HADHA: variants seen among roughly 807,000 people sequenced by gnomAD.
The protein encoded by HADHA is hydroxyacyl-CoA dehydrogenase trifunctional multienzyme complex subunit alpha.
HADHA carries 59 observed loss-of-function variants against 91.3 expected under a neutral mutation model. The observed-to-expected ratio is 0.65, with a 90% CI of 0.52 to 0.80. The LOEUF (loss-of-function observed/expected upper bound fraction) is 0.80, where lower values mean the gene tolerates loss of function less well. HADHA is among the 30% of genes least tolerant of loss of function. HADHA has a pLI of 0.00. For missense variants in HADHA, 800 were observed against 927.6 expected, an observed-to-expected ratio of 0.86 and a Z score of 1.79; for synonymous variants, 320 against 338.9, an observed-to-expected ratio of 0.94 and a Z score of 0.61.
chr2:26,242,883 C>T (rs971878158), intron 1 of HADHA, among the ~76,000 whole-genome samples: 1 of 152,166 alleles, frequency 6.6e-6, no homozygotes, highest in Non-Finnish European at 1.5e-5. Flanking sequence ...TCCCGAGTAG[C>T]TGGGACTACA....
In HADHA at chr2:26,210,968, A is replaced by G. The variant is rs1412301039; in HGVS notation, c.976-1079T>C. Among the ~76,000 whole-genome samples the G allele has an allele frequency of 2.0e-5, 3 of 152,262 alleles. No individual in the cohort carries two copies. Among genetic ancestry groups the G allele is most frequent in the Non-Finnish European group, 4.4e-5 (3 of 68,052 alleles). On this transcript the variant is annotated intron_variant, in intron 10 of 19. Coordinates refer to ENST00000380649, the MANE Select transcript of HADHA (RefSeq NM_000182.5). The surrounding 1 kb of genome is among the most constrained non-coding windows in gnomAD (Gnocchi z 4.0). Reference sequence around the variant, plus strand: ...GCATGGTTACAAAGAGCATTTCAAAAGAATCCCTCTAATAAAGTTGCTTTC... The same window carrying G: ...GCATGGTTACAAAGAGCATTTCAAAGGAATCCCTCTAATAAAGTTGCTTTC...
intron 1 of HADHA, among the ~76,000 whole-genome samples, chr2:26,242,087 G>T (rs1670910035): frequency 6.6e-6 from 1 of 152,140 alleles, no homozygotes; most frequent in Non-Finnish European, 1.5e-5. Context: ...TTTTTTGGTA[G>T]AGATGGGGTT....
intron 10 of HADHA, among the ~76,000 whole-genome samples, chr2:26,211,618 C>A (rs1169785347): frequency 6.6e-6 from 1 of 152,174 alleles, no homozygotes. Context: ...AAATATTCCA[C>A]TATCTGACAA....
At chr2:26,206,148 A>C (rs1382572356) in intron 11 of HADHA, among the ~76,000 whole-genome samples, 1 of 151,902 alleles carries the variant, frequency 6.6e-6, no homozygotes, top group Non-Finnish European at 1.5e-5. Context: ...TATGAAAATA[A>C]TAATAATAAT....
In HADHA at chr2:26,224,031, G is replaced by A. The variant is rs561750510; in HGVS notation, c.676+6161C>T. 2.6e-5 allele frequency among the ~76,000 whole-genome samples: 4 copies of A among 152,344 alleles called. No homozygotes were observed. In the East Asian group the frequency reaches 7.7e-4, roughly 29 times the overall value. On this transcript the variant is annotated intron_variant, in intron 7 of 19. Coordinates refer to ENST00000380649, the MANE Select transcript of HADHA (RefSeq NM_000182.5). ...CAAAGTGCTGGTATTACAGGCATGA[G>A]CCACTGCACCTGGCCGGAATGGGAA...
intron 1 of HADHA, among the ~76,000 whole-genome samples, chr2:26,244,302 A>G (rs62128456): frequency 1.3e-5 from 2 of 152,252 alleles, no homozygotes; most frequent in Admixed American, 6.5e-5. Flanking sequence ...CCAGACTCAG[A>G]AAGTTGGGGA....
chr2:26,242,064 G>C (rs1257045818), intron 1 of HADHA, among the ~76,000 whole-genome samples: 1 of 152,098 alleles, frequency 6.6e-6, no homozygotes, highest in Non-Finnish European at 1.5e-5. Context: ...ACCACACCTG[G>C]CCAATTCTGG....
intron 1 of HADHA, among the ~76,000 whole-genome samples, chr2:26,241,881 G>C (rs1339635728): frequency 6.6e-6 from 1 of 151,954 alleles, no homozygotes; most frequent in Non-Finnish European, 1.5e-5. Flanking sequence ...GAGAAGGAAT[G>C]CTTTAAAATT....
rs1574603062 is a variant in HADHA at position 26,194,614 on chromosome 2, T to C, written c.1645A>G (p.Arg549Gly). The change falls in exon 16 of 20, where the codon AGG becomes GGG. Residue 549 changes from arginine (R) to glycine (G), a missense_variant. Coordinates refer to ENST00000380649, the MANE Select transcript of HADHA (RefSeq NM_000182.5). ...VKDGPGFYTTRCLAPMMSEVI... is the reference protein window; with the variant it reads ...VKDGPGFYTTGCLAPMMSEVI... Reference sequence around the variant, plus strand: ...TCAGACATCATGGGCGCAAGACACCTGGTAGTATAGAAGCCAGGTCCATCC... The same window carrying C: ...TCAGACATCATGGGCGCAAGACACCCGGTAGTATAGAAGCCAGGTCCATCC... 6.2e-7 allele frequency: 1 copy of C among 1,611,950 alleles called. No homozygotes were observed. Among genetic ancestry groups the C allele is most frequent in the Admixed American group, 1.7e-5 (1 of 60,004 alleles).
Position 26,244,535 on chromosome 2 carries a change from G to A in HADHA, c.62C>T (p.Ser21Phe), listed in dbSNP as rs767302194. 4.4e-6 allele frequency: 7 copies of A among 1,580,724 alleles called. No homozygotes were observed. The South Asian group carries it at 8.1e-5, about 18-fold the overall frequency. ...SRFSAFRILR[S>F]RGYICRNFTG... ...TGCCCTCGGCCAGGCCTCACCTCGGGAGCGGAGGATCCTGAAGGCAGAAAA... is the reference window on the plus strand; with the variant it reads ...TGCCCTCGGCCAGGCCTCACCTCGGAAGCGGAGGATCCTGAAGGCAGAAAA... Residue 21 changes from serine to phenylalanine, a missense_variant, in exon 1 of 20, where the codon TCC becomes TTC. Ser to Phe is a radical substitution (Grantham distance 155). Coordinates refer to ENST00000380649, the MANE Select transcript of HADHA (RefSeq NM_000182.5).
At chr2:26,217,136 A>T (rs1670241069) in intron 7 of HADHA, among the ~76,000 whole-genome samples, 1 of 152,126 alleles carries the variant, frequency 6.6e-6, no homozygotes, top group South Asian at 2.1e-4. Flanking sequence ...TGAGAGGATC[A>T]CTTGAGCCCA....
chr2:26,236,339 A>ATGTGTGTGTG (rs752287719), intron 4 of HADHA, among the ~76,000 whole-genome samples: 5 of 109,856 alleles, frequency 4.6e-5, no homozygotes, highest in Admixed American at 9.4e-5. Flanking sequence ...AGATCACATG[A>ATGTGTGTGTG]TGTGTGTGTG....
At chr2:26,200,477 A>G (rs1669800102) in intron 13 of HADHA, among the ~76,000 whole-genome samples, 1 of 152,204 alleles carries the variant, frequency 6.6e-6, no homozygotes, top group African/African-American at 2.4e-5. Context: ...CAGAACAAGC[A>G]TCTGGACGAA....
chr2:26,196,927 C>T (rs972346939), intron 14 of HADHA, among the ~76,000 whole-genome samples: 6 of 152,186 alleles, frequency 3.9e-5, no homozygotes, highest in Non-Finnish European at 7.3e-5. Flanking sequence ...GTCAGGTCCC[C>T]GCATCACTTC....
intron 18 of HADHA, 121 bp from the exon 19 acceptor site, chr2:26,191,749 G>C (rs890316065): frequency 2.0e-6 from 2 of 982,560 alleles, no homozygotes; most frequent in Admixed American, 3.6e-5. Context: ...GGTTGGTGCT[G>C]GCCCTCAGAG....
At chr2:26,236,340 T>TGTGTGC (rs1553315879) in intron 4 of HADHA, among the ~76,000 whole-genome samples, 2 of 52,548 alleles carry the variant, frequency 3.8e-5, no homozygotes, top group Non-Finnish European at 1.2e-4. Flanking sequence ...GATCACATGA[T>TGTGTGC]GTGTGTGTGT....
rs1301040813 is a variant in HADHA, at chr2:26,238,928, AG to A, written c.180+5del. On this transcript the variant is annotated splice_donor_5th_base_variant and intron_variant, in intron 3 of 19. Coordinates refer to ENST00000380649, the MANE Select transcript of HADHA (RefSeq NM_000182.5). ...GCAGAAAAAAACTGCAAATTAAATG[AG>A]ATACCTTTGAATTGGGAGAGTTAAT... is the stretch of plus-strand genomic sequence containing the variant. 1.9e-6 allele frequency: 3 copies of A among 1,576,492 alleles called. No homozygotes were observed. Among genetic ancestry groups the A allele is most frequent in the Non-Finnish European group, 2.6e-6 (3 of 1,147,356 alleles).
chr2:26,194,458 G>T, intron 16 of HADHA, 112 bp downstream of exon 16: 1 of 769,946 alleles, frequency 1.3e-6, no homozygotes, highest in South Asian at 1.4e-5. Flanking sequence ...TCCTAGACAA[G>T]AGCAGGAGTT....
Position 26,201,251 on chromosome 2 carries a change from A to G in HADHA, c.1290T>C (p.Thr430=), listed in dbSNP as rs750574056. Residue 430 remains threonine (T), a synonymous_variant, in exon 13 of 20, where the codon ACT becomes ACC. Coordinates refer to ENST00000380649, the MANE Select transcript of HADHA (RefSeq NM_000182.5). ...FERDSIFSNL[T]GQLDYQGFEK... is the part of the protein sequence containing the mutation. ...CAAAACCTTGGTAATCAAGCTGCCC[A>G]GTCAAGTTGCTGAAGATGGAATCCC... 3.1e-6 allele frequency: 5 copies of G among 1,611,852 alleles called. No homozygotes were observed. Among genetic ancestry groups the G allele is most frequent in the Non-Finnish European group, 4.2e-6 (5 of 1,177,868 alleles).
Sources: gnomAD v4.1 joint callset for allele counts (sites outside exome capture counted in the v4.1 genomes callset) on GRCh38, gnomAD v4.1.1 for gene constraint, Gnocchi (gnomAD v3.1) non-coding constraint, MANE v1.5 for transcripts, NCBI Gene and HGNC (gene_info 2026-07-23, HGNC 2026-07-21) for gene names.